Variants in SLC47A1 observed in about 807,000 individuals in gnomAD.
The protein encoded by SLC47A1 is solute carrier family 47 member 1, also known as multidrug and toxin extrusion protein 1.
In SLC47A1, 58 loss-of-function variants were observed where a neutral mutation model predicts 65.8. The observed-to-expected ratio is 0.88, with a 90% CI of 0.71 to 1.10. The LOEUF is 1.10. Among genes scored for constraint, SLC47A1 ranks in the 50% least tolerant of loss-of-function variants. SLC47A1 has a pLI of 0.00. For missense variants in SLC47A1, 706 were observed against 719.2 expected (o/e 0.98, Z 0.21); for synonymous variants, 285 against 295.0 (o/e 0.97, Z 0.35).
chr17:19,551,945 G>A (rs946072519), intron 6 of SLC47A1, among the ~76,000 whole-genome samples: 9 of 152,194 alleles, frequency 5.9e-5, no homozygotes, highest in African/African-American at 1.9e-4. Flanking sequence ...GACACCTAAC[G>A]TCAGCCAGAA....
At chr17:19,577,149 T>A (rs1053190803) in intron 16 of SLC47A1, among the ~76,000 whole-genome samples, 178 bp from the exon 17 acceptor site, 52 of 152,114 alleles carry the variant, frequency 3.4e-4, no homozygotes, top group African/African-American at 1.2e-3. Flanking sequence ...TCGGTGTTCG[T>A]GAAGGAGTGA....
intron 4 of SLC47A1, among the ~76,000 whole-genome samples, chr17:19,548,782 C>T (rs576310634): frequency 7.2e-5 from 11 of 152,154 alleles, no homozygotes; most frequent in Non-Finnish European, 1.2e-4. Context: ...CCACCATGCC[C>T]GGCCAGGATT....
intron 1 of SLC47A1, 189 bp downstream of exon 1, chr17:19,534,263 C>G: frequency 1.5e-6 from 1 of 671,020 alleles, no homozygotes; most frequent in South Asian, 2.9e-5. Context: ...CCGCTTTCCG[C>G]TCCGCACCAC....
intron 1 of SLC47A1, among the ~76,000 whole-genome samples, chr17:19,541,744 G>T (rs577313980): frequency 6.6e-6 from 1 of 152,180 alleles, no homozygotes; most frequent in Non-Finnish European, 1.5e-5. Flanking sequence ...AGGAATCTTG[G>T]ATAACAAGGG....
chr17:19,555,608 A>C lies in SLC47A1; in HGVS notation c.657A>C (p.Ala219=). 1 of 1,614,180 alleles carries C rather than the reference A, an allele frequency of 6.2e-7. No individual in the cohort carries two copies. Among genetic ancestry groups the C allele is most frequent in the Non-Finnish European group, 8.5e-7 (1 of 1,180,044 alleles). ...LHLGVIGSAL[A]NLISQYTLAL... is the part of the protein sequence containing the mutation. ...TTCTTTCCAGAGGCTCTGCACTGGC[A>C]AACTTGATTTCCCAGTACACCCTGG... Residue 219 remains alanine (A), a synonymous_variant, in exon 8 of 17, where the codon GCA becomes GCC. Transcript: ENST00000270570.
chr17:19,567,117 AG>A lies in SLC47A1; in HGVS notation c.1203del (p.Ser402ValfsTer10). On this transcript the variant is annotated frameshift_variant, in exon 14 of 17. Transcript: ENST00000270570. LOFTEE classifies it high-confidence loss of function. ...ALACTSGGVL[R>X]GSGNQKVGAI... ...GCAGTGCACGAGTGGTGGTGTTCTG[AG>A]GGGGAGTGGAAATCAGAAGGTTGGA... 1 of 1,614,066 alleles carries A rather than the reference AG, an allele frequency of 6.2e-7. No individual in the cohort carries two copies. Among genetic ancestry groups the A allele is most frequent in the Non-Finnish European group, 8.5e-7 (1 of 1,180,000 alleles).
At chr17:19,547,960 C>T (rs895208029) in intron 3 of SLC47A1, 25 bp from the exon 4 acceptor site, 1 of 1,596,950 alleles carries the variant, frequency 6.3e-7, no homozygotes, top group African/African-American at 1.3e-5. Context: ...TGCTAATGGG[C>T]TCATTTTGGC....
intron 14 of SLC47A1, among the ~76,000 whole-genome samples, chr17:19,570,006 G>C (rs1166558104): frequency 1.3e-5 from 2 of 152,186 alleles, no homozygotes; most frequent in African/African-American, 4.8e-5. Context: ...CTAGTGCTTT[G>C]GAAGCCAAGG....
At chr17:19,542,649 T>C (rs1567966012) in intron 2 of SLC47A1, among the ~76,000 whole-genome samples, 155 bp downstream of exon 2, 1 of 152,124 alleles carries the variant, frequency 6.6e-6, no homozygotes, top group Non-Finnish European at 1.5e-5. Flanking sequence ...TTTCATGGCC[T>C]AAAATCAAGG....
chr17:19,534,345 C>T, intron 1 of SLC47A1: 1 of 392,850 alleles, frequency 2.5e-6, no homozygotes, highest in Non-Finnish European at 4.5e-6. Flanking sequence ...CTCGGAGAGG[C>T]CGGCGGCTCC....
Position 19,578,182 on chromosome 17 carries a change from T to C in SLC47A1, c.*629T>C, listed in dbSNP as rs927410054. On this transcript the variant is annotated 3_prime_UTR_variant, in exon 17 of 17. Coordinates refer to ENST00000270570, the MANE Select transcript of SLC47A1 (RefSeq NM_018242.3). ...TTAATCTTCATTTGAGGTCTAGATC[T>C]AGGCACTGTGGACACTGAAAAACAG... 5 of 385,142 alleles carry C rather than the reference T, an allele frequency of 1.3e-5. No individual in the cohort carries two copies. In the East Asian group the frequency reaches 3.0e-4, roughly 23 times the overall value. 23.9% of individuals were successfully genotyped at this position (385,142 alleles called of 1,614,324 possible).
At chr17:19,556,139 A>G in intron 10 of SLC47A1, 77 bp downstream of exon 10, 8 of 1,495,974 alleles carry the variant, frequency 5.3e-6, no homozygotes, top group Non-Finnish European at 7.4e-6. Flanking sequence ...ATGGATGAGC[A>G]CAGGCATTCG....
chr17:19,571,380 T>C (rs532875228), intron 14 of SLC47A1, 98 bp from the exon 15 acceptor site: 2 of 996,960 alleles, frequency 2.0e-6, no homozygotes, highest in South Asian at 3.1e-5. Context: ...AAAGCAGATA[T>C]TCAGTATGGC....
chr17:19,560,771 T>A (rs1390999543), intron 12 of SLC47A1, among the ~76,000 whole-genome samples: 8 of 149,890 alleles, frequency 5.3e-5, no homozygotes, highest in Non-Finnish European at 3.0e-5. Context: ...CCCAGCTACT[T>A]GGGAGGCTGA....
At chr17:19,564,839 G>A (rs2084343919) in intron 12 of SLC47A1, among the ~76,000 whole-genome samples, 1 of 152,084 alleles carries the variant, frequency 6.6e-6, no homozygotes, top group African/African-American at 2.4e-5. Context: ...TCCTGCCTCA[G>A]CCTCCCGAGT....
chr17:19,563,180 T>C (rs1386054271), intron 12 of SLC47A1, among the ~76,000 whole-genome samples: 2 of 135,342 alleles, frequency 1.5e-5, no homozygotes, highest in East Asian at 4.9e-4. Context: ...TCGCCCAGGC[T>C]GGAGTGCAGT....
chr17:19,561,662 A>G (rs887045980), intron 12 of SLC47A1, among the ~76,000 whole-genome samples: 7 of 151,260 alleles, frequency 4.6e-5, no homozygotes, highest in African/African-American at 1.7e-4. Flanking sequence ...AAAAAAAAAA[A>G]GATCAGAGGC....
chr17:19,565,448 C>T (rs1467533223), intron 12 of SLC47A1, among the ~76,000 whole-genome samples: 1 of 151,948 alleles, frequency 6.6e-6, no homozygotes, highest in Admixed American at 6.6e-5. Context: ...TGATGGGGAA[C>T]GGGGGAGGGA....
At chr17:19,566,930 A>T in intron 13 of SLC47A1, 71 bp downstream of exon 13, 2 of 1,592,432 alleles carry the variant, frequency 1.3e-6, no homozygotes, top group Non-Finnish European at 1.7e-6. Flanking sequence ...AGCTGAGAGG[A>T]GGGGCCAGCA....
Sources: gnomAD v4.1 joint callset for allele counts (sites outside exome capture counted in the v4.1 genomes callset) on GRCh38, gnomAD v4.1.1 for gene constraint, MANE v1.5 for transcripts, NCBI Gene and HGNC (gene_info 2026-07-23, HGNC 2026-07-21) for gene names.